ZFP62: variants seen among roughly 807,000 people sequenced by gnomAD.
The protein encoded by ZFP62 is zinc finger protein 62 homolog.
In ZFP62, 44 loss-of-function variants were observed where a neutral mutation model predicts 56.4. That is an observed-to-expected ratio of 0.78 (90% CI 0.61 to 1.00). The LOEUF (loss-of-function observed/expected upper bound fraction) is 1.00, where lower values mean the gene tolerates loss of function less well. Ranked by LOEUF, ZFP62 falls within the 50% of genes least tolerant of loss-of-function variation. ZFP62 has a pLI of 0.00. For missense variants in ZFP62, 1,030 were observed against 1,085.7 expected (o/e 0.95, Z 0.72); for synonymous variants, 421 against 388.9 (o/e 1.08, Z -0.97).
At chr5:180,830,692 G>C in the ZFP62 span, 1 of 152,352 alleles carries the variant, frequency 6.6e-6, no homozygotes, top group Admixed American at 6.6e-5. Context: ...GTGGCTGGGC[G>C]AGGGCGGAAT....
Position 180,861,199 on chromosome 5 carries a change from G to C in ZFP62, c.1+20C>G, listed in dbSNP as rs1002555169. 1 of 398,258 alleles carries C rather than the reference G, an allele frequency of 2.5e-6. No individual in the cohort carries two copies. Among genetic ancestry groups the C allele is most frequent in the East Asian group, 3.6e-5 (1 of 28,062 alleles). 24.7% of individuals were successfully genotyped at this position (398,258 alleles called of 1,614,324 possible). A position where few individuals can be genotyped will look rare whatever the true frequency, so the allele number is the denominator to read the frequency against. Reference sequence around the variant, plus strand: ...GCAAGGGCCGGGGGCGGGAGCGCGGGCGGCCGCGGACTCACGTACTGGCTG... The same window carrying C: ...GCAAGGGCCGGGGGCGGGAGCGCGGCCGGCCGCGGACTCACGTACTGGCTG... On this transcript the variant is annotated intron_variant, in intron 1 of 1. Coordinates refer to ENST00000502412, the MANE Select transcript of ZFP62 (RefSeq NM_001172638.2).
Position 180,850,484 on chromosome 5 carries a change from A to G in ZFP62, c.1011T>C (p.Tyr337=). Residue 337 remains tyrosine (Y), a synonymous_variant, in exon 2 of 2, where the codon TAT becomes TAC. Coordinates refer to ENST00000502412, the MANE Select transcript of ZFP62 (RefSeq NM_001172638.2). The part of the protein sequence containing the change: ...HKSIHFGDKP[Y]KCDECEKSFN... ...AAGATTTCTCACACTCATCACATTTATAGGGTTTATCTCCAAAGTGGATGC... is the reference window on the plus strand; with the variant it reads ...AAGATTTCTCACACTCATCACATTTGTAGGGTTTATCTCCAAAGTGGATGC... 1.3e-6 allele frequency: 2 copies of G among 1,552,498 alleles called. No individual in the cohort carries two copies. Among genetic ancestry groups the G allele is most frequent in the Non-Finnish European group, 1.7e-6 (2 of 1,147,392 alleles).
At chr5:180,857,462 T>C (rs1774049306) in intron 1 of ZFP62, among the ~76,000 whole-genome samples, 1 of 152,190 alleles carries the variant, frequency 6.6e-6, no homozygotes, top group African/African-American at 2.4e-5. Context: ...TAGGCTGGTA[T>C]AATAACGGCA....
At chr5:180,837,321 C>T in the ZFP62 span, among the ~76,000 whole-genome samples, 1 of 152,218 alleles carries the variant, frequency 6.6e-6, no homozygotes, top group African/African-American at 2.4e-5. Flanking sequence ...TCATCACTAG[C>T]ACTGTGTTTA....
chr5:180,848,821 C>A lies in ZFP62; in HGVS notation c.2674G>T (p.Asp892Tyr). ...KRTYEGGNAL[D>Y]GGRMRMPL ...AGAGGCATCCTCATCCTGCCCCCAT[C>A]CAGGGCATTCCCTCCCTCATAGGTT... Residue 892 changes from aspartate to tyrosine, a missense_variant, in exon 2 of 2, where the codon GAT becomes TAT. Transcript: ENST00000502412. The A allele has an allele frequency of 6.5e-7, 1 of 1,542,008 alleles. No individual in the cohort carries two copies. Among genetic ancestry groups the A allele is most frequent in the Non-Finnish European group, 8.8e-7 (1 of 1,139,750 alleles).
At chr5:180,859,875 C>T (rs1207996227) in intron 1 of ZFP62, among the ~76,000 whole-genome samples, 2 of 152,182 alleles carry the variant, frequency 1.3e-5, no homozygotes, top group African/African-American at 2.4e-5. Flanking sequence ...AATTTTCTAA[C>T]GGCTGTTTAG....
At chr5:180,839,744 G>A in the ZFP62 span, among the ~76,000 whole-genome samples, 1 of 152,130 alleles carries the variant, frequency 6.6e-6, no homozygotes, top group East Asian at 1.9e-4. Flanking sequence ...ACCTGCACAT[G>A]TACTCCTGAA....
At chr5:180,858,097 A>AAG (rs1303626207) in intron 1 of ZFP62, among the ~76,000 whole-genome samples, 2 of 149,220 alleles carry the variant, frequency 1.3e-5, no homozygotes, top group Non-Finnish European at 3.0e-5. Context: ...TACTAAAAAA[A>AAG]AAAAAAAAAA....
chr5:180,846,421 G>A (rs796197869), downstream of ZFP62, among the ~76,000 whole-genome samples: 3 of 152,190 alleles, frequency 2.0e-5, no homozygotes, highest in East Asian at 5.8e-4. Context: ...GGAAACCTCA[G>A]GTTAAAAACA....
the ZFP62 span, chr5:180,834,641 G>A: frequency 6.6e-6 from 1 of 151,708 alleles, no homozygotes; most frequent in Non-Finnish European, 1.5e-5. Context: ...AAGCCACCCA[G>A]TCTATGGTAA....
the ZFP62 span, chr5:180,831,707 C>G: frequency 1.3e-5 from 2 of 152,630 alleles, no homozygotes; most frequent in East Asian, 1.9e-4. Context: ...TTCTCCATTC[C>G]CGACCTCCGC....
At chr5:180,827,356 GA>G in the ZFP62 span, among the ~76,000 whole-genome samples, 18 of 152,168 alleles carry the variant, frequency 1.2e-4, no homozygotes, top group Non-Finnish European at 2.4e-4. Flanking sequence ...TCTGTACTAA[GA>G]AAAATTCTGC....
intron 1 of ZFP62, among the ~76,000 whole-genome samples, chr5:180,856,423 T>C (rs1773975286): frequency 6.6e-6 from 1 of 152,142 alleles, no homozygotes; most frequent in Admixed American, 6.5e-5. Context: ...ATACAAAGAA[T>C]GTAACACATA....
chr5:180,834,285 T>C, the ZFP62 span: 25 of 152,276 alleles, frequency 1.6e-4, no homozygotes, highest in Admixed American at 5.9e-4. Flanking sequence ...GACTGACTGA[T>C]TGATGGGGCC....
downstream of ZFP62, among the ~76,000 whole-genome samples, chr5:180,844,496 C>T (rs1773372484): frequency 6.6e-6 from 1 of 152,194 alleles, no homozygotes; most frequent in Admixed American, 6.5e-5. Flanking sequence ...CTGGCTCTCA[C>T]CAACCCTTCC....
At chr5:180,838,699 T>C in the ZFP62 span, among the ~76,000 whole-genome samples, 2 of 152,226 alleles carry the variant, frequency 1.3e-5, no homozygotes, top group African/African-American at 4.8e-5. Context: ...CAAGTTTAGA[T>C]TGTTTCAAAA....
Position 180,850,541 on chromosome 5 carries a change from G to A in ZFP62, c.954C>T (p.Phe318=), listed in dbSNP as rs1048427385. 1.3e-6 allele frequency: 2 copies of A among 1,555,482 alleles called. No individual in the cohort carries two copies. Among genetic ancestry groups the A allele is most frequent in the Non-Finnish European group, 1.7e-6 (2 of 1,149,352 alleles). ...GGTTGAGAAGTGTTCTACAAGTAAT[G>A]AAGGCCTTCCCACACTCATCACATT... ...PYECDECGKA[F]ITCRTLLNHK... is the part of the protein sequence containing the mutation. Residue 318 remains phenylalanine (F), a synonymous_variant, in exon 2 of 2, where the codon TTC becomes TTT. Coordinates refer to ENST00000502412, the MANE Select transcript of ZFP62 (RefSeq NM_001172638.2).
the ZFP62 span, among the ~76,000 whole-genome samples, chr5:180,833,870 C>T: frequency 2.0e-5 from 3 of 152,056 alleles, no homozygotes; most frequent in South Asian, 2.1e-4. Flanking sequence ...GGGGTTTCAC[C>T]GTGTTAGCCA....
chr5:180,828,293 A>G, the ZFP62 span, among the ~76,000 whole-genome samples: 37 of 152,208 alleles, frequency 2.4e-4, no homozygotes, highest in Admixed American at 2.4e-3. Context: ...AAAGGGACAC[A>G]GGGTGTTTTG....
Sources: gnomAD v4.1 joint callset for allele counts (sites outside exome capture counted in the v4.1 genomes callset) on GRCh38, gnomAD v4.1.1 for gene constraint, MANE v1.5 for transcripts, NCBI Gene and HGNC (gene_info 2026-07-23, HGNC 2026-07-21) for gene names.